Variants in CD36 observed in about 807,000 individuals in gnomAD.
CD36 encodes the protein platelet glycoprotein 4.
In CD36, 119 loss-of-function variants were observed where a neutral mutation model predicts 55.2. The observed-to-expected ratio is 2.15, with a 90% CI of 1.86 to 2.51. CD36 has a LOEUF of 2.51. Among genes scored for constraint, CD36 ranks in the 30% most tolerant of loss-of-function variants. The probability of loss-of-function intolerance (pLI) is 0.00; values close to 1 mark genes in which losing one functional copy is unlikely to be tolerated. For missense variants in CD36, 819 were observed against 555.5 expected, an observed-to-expected ratio of 1.47 and a Z score of -4.77; for synonymous variants, 186 against 193.6, an observed-to-expected ratio of 0.96 and a Z score of 0.33.
chr7:80,621,955 TC>T (rs1463113624), intron 1 of CD36, among the ~76,000 whole-genome samples: 1 of 152,198 alleles, frequency 6.6e-6, no homozygotes, highest in African/African-American at 2.4e-5. Context: ...CTCTGATTGA[TC>T]CCCACCCTTC....
At chr7:80,671,650 A>G (rs547324182) in intron 10 of CD36, among the ~76,000 whole-genome samples, 79 of 151,840 alleles carry the variant, frequency 5.2e-4, no homozygotes, top group African/African-American at 1.9e-3. Flanking sequence ...CATATTTATC[A>G]TACTAACGTG....
chr7:80,647,079 A>G (rs1795223927), intron 3 of CD36: 2 of 488,142 alleles, frequency 4.1e-6, no homozygotes, highest in Non-Finnish European at 7.4e-6. Context: ...TGTCTTAAAT[A>G]TAAATACCAA....
At chr7:80,674,665 A>G (rs992012354) in intron 14 of CD36, among the ~76,000 whole-genome samples, 3 of 152,066 alleles carry the variant, frequency 2.0e-5, no homozygotes, top group Admixed American at 6.6e-5. Flanking sequence ...TTAGGCCTCT[A>G]TGCTTTAGAT....
chr7:80,608,023 G>A (rs1792664725), intron 1 of CD36, among the ~76,000 whole-genome samples: 2 of 152,032 alleles, frequency 1.3e-5, no homozygotes, highest in Non-Finnish European at 2.9e-5. Context: ...GCCCGCCTCG[G>A]CCTCTCAAAG....
chr7:80,672,136 AATC>A (rs1797744828), intron 11 of CD36, 96 bp downstream of exon 11: 14 of 1,027,730 alleles, frequency 1.4e-5, no homozygotes, highest in Admixed American at 1.3e-4. Context: ...TTCAATAAAT[AATC>A]ATATTTATTG....
intron 1 of CD36, chr7:80,602,381 TGAGCA>T (rs1235872760): frequency 2.0e-5 from 3 of 152,152 alleles, no homozygotes; most frequent in Non-Finnish European, 4.4e-5. Context: ...TAGAAGTTGG[TGAGCA>T]GAATGCTTTT....
intron 3 of CD36, among the ~76,000 whole-genome samples, chr7:80,651,588 A>G (rs1225338302): frequency 1.3e-5 from 2 of 152,054 alleles, no homozygotes; most frequent in Non-Finnish European, 2.9e-5. Flanking sequence ...TTCAGACAAA[A>G]TAAATTGAAA....
chr7:80,639,402 A>G lies in CD36; in HGVS notation c.-184+656A>G, dbSNP rs186545416. Among the ~76,000 whole-genome samples the G allele has an allele frequency of 4.9e-3, 753 of 152,122 alleles. 10 individuals are homozygous for G. The highest frequency in any genetic ancestry group is 7.7e-3 in the Non-Finnish European group (524 of 67,888). Reference sequence around the variant, plus strand: ...TGAAATTTAATTAGTGTAAATTAGTAGAATAAAAATAAAGTTAATTTTTTT... The same window carrying G: ...TGAAATTTAATTAGTGTAAATTAGTGGAATAAAAATAAAGTTAATTTTTTT... On this transcript the variant is annotated intron_variant, in intron 1 of 14. Coordinates refer to ENST00000447544, the MANE Select transcript of CD36 (RefSeq NM_001001548.3).
chr7:80,635,167 C>T (rs1794313882), upstream of CD36, among the ~76,000 whole-genome samples: 1 of 152,102 alleles, frequency 6.6e-6, no homozygotes, highest in Non-Finnish European at 1.5e-5. Context: ...TGAGGCCTCT[C>T]ATTGTACACT....
At chr7:80,670,155 A>G in intron 9 of CD36, 133 bp downstream of exon 9, 1 of 693,174 alleles carries the variant, frequency 1.4e-6, no homozygotes, top group South Asian at 1.6e-5. Flanking sequence ...GTTCTTCTGC[A>G]TCTTCCAATT....
intron 8 of CD36, among the ~76,000 whole-genome samples, chr7:80,667,549 C>G (rs1480874100): frequency 6.6e-6 from 1 of 151,246 alleles, no homozygotes; most frequent in Admixed American, 6.6e-5. Flanking sequence ...TAGGGAATAT[C>G]CCATAGGAAA....
Position 80,671,816 on chromosome 7 carries a change from G to A in CD36, c.1007-106G>A, listed in dbSNP as rs1054401686. ...CTTCCCCACCCATGTTAAAAACCAT[G>A]TATTTTTTAATGCAAGAAGCTTTAG... On this transcript the variant is annotated intron_variant, in intron 10 of 14. Coordinates refer to ENST00000447544, the MANE Select transcript of CD36 (RefSeq NM_001001548.3). 7.2e-6 allele frequency: 7 copies of A among 968,692 alleles called. No homozygotes were observed. In the East Asian group the frequency reaches 1.7e-4, roughly 24 times the overall value. 60.0% of individuals were successfully genotyped at this position (968,692 alleles called of 1,614,324 possible).
chr7:80,663,848 T>C (rs1796756557), intron 6 of CD36, among the ~76,000 whole-genome samples: 3 of 152,170 alleles, frequency 2.0e-5, no homozygotes. Flanking sequence ...TCTAGTTCAT[T>C]GTTTTACTTT....
chr7:80,673,348 A>G lies in CD36; in HGVS notation c.1200-7A>G. ...ATGTTCATAATTATTTTCAACGTAT[A>G]TTACAGAGTATTAAAGAATCTGAAG... On this transcript the variant is annotated splice_polypyrimidine_tract_variant and splice_region_variant and intron_variant, in intron 12 of 14. Coordinates refer to ENST00000447544, the MANE Select transcript of CD36 (RefSeq NM_001001548.3). 1.5e-6 allele frequency: 2 copies of G among 1,315,218 alleles called. No individual in the cohort carries two copies. Among genetic ancestry groups the G allele is most frequent in the Middle Eastern group, 1.9e-4 (1 of 5,160 alleles). 81.5% of individuals were successfully genotyped at this position (1,315,218 alleles called of 1,614,324 possible).
At chr7:80,666,827 A>T (rs765138499) in intron 8 of CD36, among the ~76,000 whole-genome samples, 4 of 152,250 alleles carry the variant, frequency 2.6e-5, no homozygotes, top group Non-Finnish European at 5.9e-5. Context: ...TTTTATAAAT[A>T]GTATACAGAT....
chr7:80,606,797 G>A (rs140951723), intron 1 of CD36, among the ~76,000 whole-genome samples: 3 of 152,056 alleles, frequency 2.0e-5, no homozygotes, highest in Non-Finnish European at 2.9e-5. Context: ...GCCTAGTCAC[G>A]TATCCCCTCA....
rs878935499 is a variant in CD36 at position 80,672,789 on chromosome 7, A to T, written c.1145A>T (p.Gln382Leu). Residue 382 changes from glutamine to leucine, a missense_variant, in exon 12 of 15, where the codon CAA becomes CTA. Transcript: ENST00000447544. ...DIEPITGFTL[Q>L]FAKRLQVNLL... Reference sequence around the variant, plus strand: ...TTTTAGATAACTGGATTCACTTTACAATTTGCAAAACGGCTGCAGGTCAAC... The same window carrying T: ...TTTTAGATAACTGGATTCACTTTACTATTTGCAAAACGGCTGCAGGTCAAC... 3 of 1,610,362 alleles carry T rather than the reference A, an allele frequency of 1.9e-6. No individual in the cohort carries two copies. The South Asian group carries it at 3.3e-5, about 18-fold the overall frequency.
Position 80,671,994 on chromosome 7 carries a change from T to TA in CD36, c.1082dup (p.Asn361LysfsTer4), listed in dbSNP as rs1554346167. 4 of 1,608,642 alleles carry TA rather than the reference T, an allele frequency of 2.5e-6. No homozygotes were observed. Among genetic ancestry groups the TA allele is most frequent in the Non-Finnish European group, 3.4e-6 (4 of 1,175,798 alleles). ...GATGTTTCAGAACCTATTGATGGAT[T>TA]AAACCCAAATGAAGAAGAACATAGG... On this transcript the variant is annotated frameshift_variant, in exon 11 of 15. Coordinates refer to ENST00000447544, the MANE Select transcript of CD36 (RefSeq NM_001001548.3). LOFTEE classifies it high-confidence loss of function.
chr7:80,672,984 A>AAG lies in CD36; in HGVS notation c.1199+141_1199+142insAG, dbSNP rs1797864277. On this transcript the variant is annotated intron_variant, in intron 12 of 14. Coordinates refer to ENST00000447544, the MANE Select transcript of CD36 (RefSeq NM_001001548.3). Reference sequence around the variant, plus strand: ...CTTTAGCTTAATGTCACCAATCATTATTAAATGCTTATGACTAATTTCACA... The same window carrying AAG: ...CTTTAGCTTAATGTCACCAATCATTAAGTTAAATGCTTATGACTAATTTCACA... 2.6e-5 allele frequency: 18 copies of AAG among 684,320 alleles called. No homozygotes were observed. In the South Asian group the frequency reaches 3.0e-4, roughly 11 times the overall value. 42.4% of individuals were successfully genotyped at this position (684,320 alleles called of 1,614,324 possible).
Sources: allele counts gnomAD v4.1 joint callset (sites outside exome capture counted in the v4.1 genomes callset), GRCh38; gene constraint gnomAD v4.1.1; transcripts MANE v1.5; gene names NCBI Gene and HGNC (gene_info 2026-07-23, HGNC 2026-07-21).